Variants in HROB observed in about 807,000 individuals in gnomAD.
HROB encodes the protein homologous recombination factor with OB-fold, also known as homologous recombination OB-fold protein.
A neutral mutation model predicts 61.0 loss-of-function variants in HROB; 44 were observed. The ratio of observed to expected loss-of-function variants is 0.72; its 90% confidence interval spans 0.57 to 0.93. The LOEUF (loss-of-function observed/expected upper bound fraction) is 0.93. Ranked by LOEUF, HROB falls within the 40% of genes least tolerant of loss-of-function variation. HROB has a pLI of 0.00. For missense variants in HROB, 716 were observed against 796.2 expected, an observed-to-expected ratio of 0.90 and a Z score of 1.21; for synonymous variants, 301 against 310.4, an observed-to-expected ratio of 0.97 and a Z score of 0.32.
chr17:44,142,445 C>T (rs1416334433), intron 1 of HROB, among the ~76,000 whole-genome samples: 1 of 151,876 alleles, frequency 6.6e-6, no homozygotes, highest in East Asian at 1.9e-4. Flanking sequence ...TCCCTTTCCC[C>T]TCCCCGCCCC....
chr17:44,143,661 A>T (rs1242902957), intron 1 of HROB, among the ~76,000 whole-genome samples: 1 of 151,770 alleles, frequency 6.6e-6, no homozygotes, highest in Non-Finnish European at 1.5e-5. Context: ...AAAAAAAAAA[A>T]AGAAAATTAG....
At position 44,157,904 on chromosome 17, in the gene HROB, G is replaced by A. The variant is rs1172541562; in HGVS notation, c.1842G>A (p.Glu614=). 1 of 1,613,638 alleles carries A rather than the reference G, an allele frequency of 6.2e-7. No homozygotes were observed. Among genetic ancestry groups the A allele is most frequent in the South Asian group, 1.1e-5 (1 of 90,976 alleles). The change falls in exon 9 of 10, where the codon GAG becomes GAA. Residue 614 remains glutamate, a synonymous_variant. Coordinates refer to ENST00000585683, the MANE Select transcript of HROB (RefSeq NM_001171251.3). ...EEGFRTAQNL[E]AEASPEEELP... is the part of the protein sequence containing the mutation. ...GCTTCAGAACAGCACAGAACCTAGA[G>A]GCAGAGGCGTCCCCTGAGGAAGAAC...
Position 44,142,099 on chromosome 17 carries a change from G to A in HROB, c.-44G>A. 2 of 1,530,964 alleles carry A rather than the reference G, an allele frequency of 1.3e-6. No homozygotes were observed. The highest frequency in any genetic ancestry group is 1.7e-6 in the Non-Finnish European group (2 of 1,144,284). The allele number at this position is 1,530,964 out of a possible 1,614,324, so 94.8% of individuals were successfully genotyped here. ...AGGCCCCGGCGACTCCCCGGACTCG[G>A]GGTGCCGGGCCAACCTCCCCGCCGA... On this transcript the variant is annotated 5_prime_UTR_variant, in exon 1 of 10. Transcript: ENST00000585683.
chr17:44,143,650 A>G (rs78407343), intron 1 of HROB, among the ~76,000 whole-genome samples: 1 of 142,938 alleles, frequency 7.0e-6, no homozygotes, highest in African/African-American at 2.6e-5. Flanking sequence ...TCTCAGGAAG[A>G]AAAAAAAAAA....
intron 2 of HROB, among the ~76,000 whole-genome samples, chr17:44,146,610 T>C (rs1356764612): frequency 1.3e-5 from 2 of 152,188 alleles, no homozygotes; most frequent in East Asian, 3.8e-4. Context: ...GATGATGTCA[T>C]GTCTGAGAGT....
Position 44,142,052 on chromosome 17 carries a change from A to T in HROB, c.-91A>T. ...GAAGCACTGTCCCTCGGAGTCCGAG[A>T]CTTCCACCTGGGTCGTGTCCAAGGC... On this transcript the variant is annotated 5_prime_UTR_variant, in exon 1 of 10. Coordinates refer to ENST00000585683, the MANE Select transcript of HROB (RefSeq NM_001171251.3). 1.3e-6 allele frequency: 2 copies of T among 1,482,816 alleles called. No individual in the cohort carries two copies. The highest frequency in any genetic ancestry group is 1.8e-6 in the Non-Finnish European group (2 of 1,104,588). 91.9% of individuals were successfully genotyped at this position (1,482,816 alleles called of 1,614,324 possible). A position where few individuals can be genotyped will look rare whatever the true frequency, so the allele number is the denominator to read the frequency against.
Position 44,148,820 on chromosome 17 carries a change from C to T in HROB, c.1017C>T (p.Pro339=). ...GCTCTGGATTATTTCCTCGGATACC[C>T]TTACAACCGCAAGCTCCAGTGTCTT... ...RTSSGLFPRI[P]LQPQAPVSSI... The change falls in exon 3 of 10, where the codon CCC becomes CCT. Residue 339 remains proline (P), a synonymous_variant. Coordinates refer to ENST00000585683, the MANE Select transcript of HROB (RefSeq NM_001171251.3). 6.2e-7 allele frequency: 1 copy of T among 1,614,188 alleles called. No homozygotes were observed. Among genetic ancestry groups the T allele is most frequent in the Admixed American group, 1.7e-5 (1 of 60,010 alleles).
chr17:44,151,681 A>C (rs2053809779), intron 4 of HROB, among the ~76,000 whole-genome samples: 2 of 152,172 alleles, frequency 1.3e-5, no homozygotes, highest in Admixed American at 1.3e-4. Context: ...AAAATGGCTA[A>C]GCCACTCTGG....
Position 44,148,249 on chromosome 17 carries a change from G to T in HROB, c.446G>T (p.Gly149Val), listed in dbSNP as rs2053675189. The T allele has an allele frequency of 6.2e-7, 1 of 1,614,176 alleles. No homozygotes were observed. Among genetic ancestry groups the T allele is most frequent in the Non-Finnish European group, 8.5e-7 (1 of 1,180,030 alleles). Residue 149 changes from glycine (G) to valine (V), a missense_variant, in exon 3 of 10, where the codon GGC becomes GTC. Transcript: ENST00000585683. ...GAGAGCCAACAGCAGCAAGTTGGTGGCTTTGAGGGGCCTGAACAAGACGAA... is the reference window on the plus strand; with the variant it reads ...GAGAGCCAACAGCAGCAAGTTGGTGTCTTTGAGGGGCCTGAACAAGACGAA... ...TFESQQQQVG[G>V]FEGPEQDEFD...
chr17:44,157,872 G>A lies in HROB; in HGVS notation c.1810G>A (p.Glu604Lys), dbSNP rs201900381. The A allele has an allele frequency of 4.0e-5, 64 of 1,613,520 alleles. No individual in the cohort carries two copies. The highest frequency in any genetic ancestry group is 1.6e-4 in the Middle Eastern group (1 of 6,080). The change falls in exon 9 of 10, where the codon GAG (glutamate) becomes AAG (lysine). Residue 604 changes from glutamate (E) to lysine (K), a missense_variant. By Grantham distance (56) the Glu-to-Lys change is moderately conservative. Coordinates refer to ENST00000585683, the MANE Select transcript of HROB (RefSeq NM_001171251.3). ...SFQHDVAAKP[E>K]EGFRTAQNLE... ...CCAGCATGATGTGGCTGCAAAGCCCGAGGAAGGCTTCAGAACAGCACAGAA... is the reference window on the plus strand; with the variant it reads ...CCAGCATGATGTGGCTGCAAAGCCCAAGGAAGGCTTCAGAACAGCACAGAA...
chr17:44,143,649 G>GAA (rs74952287), intron 1 of HROB, among the ~76,000 whole-genome samples: 1 of 137,628 alleles, frequency 7.3e-6, no homozygotes. Flanking sequence ...GTCTCAGGAA[G>GAA]AAAAAAAAAA....
chr17:44,150,977 T>C lies in HROB; in HGVS notation c.1241T>C (p.Leu414Pro), dbSNP rs183781278. The change falls in exon 4 of 10, where the codon CTG (leucine) becomes CCG (proline). Residue 414 changes from leucine to proline, a missense_variant. Leu to Pro is a moderately conservative substitution (Grantham distance 98, BLOSUM62 -3). Coordinates refer to ENST00000585683, the MANE Select transcript of HROB (RefSeq NM_001171251.3). ...CCCTCTTAGCAGAGTGGGAGAAGTC[T>C]GGAGGACATCATGGTTTCCGCGCCC... ...ILPHQQSGRS[L>P]EDIMVSAPQT... 1.6e-5 allele frequency: 26 copies of C among 1,612,756 alleles called. No individual in the cohort carries two copies. Among genetic ancestry groups the C allele is most frequent in the South Asian group, 2.2e-5 (2 of 90,960 alleles).
In HROB at chr17:44,141,954, C is replaced by G; in HGVS notation, c.-189C>G. Reference sequence around the variant, plus strand: ...CAGTGGCGGCGTCTTCGAATGCGGCCTAAGGCGCCTGCCGCCAGTCTCCTG... The same window carrying G: ...CAGTGGCGGCGTCTTCGAATGCGGCGTAAGGCGCCTGCCGCCAGTCTCCTG... On this transcript the variant is annotated 5_prime_UTR_variant, in exon 1 of 10. Coordinates refer to ENST00000585683, the MANE Select transcript of HROB (RefSeq NM_001171251.3). The G allele has an allele frequency of 1.3e-6, 1 of 750,658 alleles. No homozygotes were observed. Among genetic ancestry groups the G allele is most frequent in the South Asian group, 2.0e-5 (1 of 51,056 alleles). 46.5% of individuals were successfully genotyped at this position (750,658 alleles called of 1,614,324 possible).
At chr17:44,145,469 C>T (rs756375893) in intron 2 of HROB, among the ~76,000 whole-genome samples, 4 of 152,156 alleles carry the variant, frequency 2.6e-5, no homozygotes, top group Non-Finnish European at 5.9e-5. Context: ...AATTGTCATA[C>T]CTTTAAATTA....
chr17:44,161,097 G>A (rs1015535241), intron 9 of HROB, among the ~76,000 whole-genome samples: 3 of 152,074 alleles, frequency 2.0e-5, no homozygotes, highest in African/African-American at 7.2e-5. Flanking sequence ...CAGCTACTCA[G>A]GAGGCTGAGG....
At chr17:44,154,967 C>G (rs779070142) in intron 7 of HROB, 29 bp downstream of exon 7, 1 of 1,603,164 alleles carries the variant, frequency 6.2e-7, no homozygotes, top group Admixed American at 1.7e-5. Context: ...CACACCACTG[C>G]CCCCCGGATA....
At chr17:44,147,235 C>T (rs970514747) in intron 2 of HROB, among the ~76,000 whole-genome samples, 2 of 151,948 alleles carry the variant, frequency 1.3e-5, no homozygotes, top group Non-Finnish European at 2.9e-5. Flanking sequence ...TTCCCTGGAA[C>T]GTTTGCTTCT....
chr17:44,145,445 G>A (rs1224911045), intron 2 of HROB, among the ~76,000 whole-genome samples, 192 bp downstream of exon 2: 1 of 152,160 alleles, frequency 6.6e-6, no homozygotes, highest in African/African-American at 2.4e-5. Context: ...AAAAACCAGA[G>A]CAATGAATTG....
chr17:44,159,865 G>A (rs2054082078), intron 9 of HROB, among the ~76,000 whole-genome samples: 1 of 152,232 alleles, frequency 6.6e-6, no homozygotes, highest in Non-Finnish European at 1.5e-5. Flanking sequence ...TGGACAAGGA[G>A]CGTGACCACT....
Sources: allele counts gnomAD v4.1 joint callset (sites outside exome capture counted in the v4.1 genomes callset), GRCh38; gene constraint gnomAD v4.1.1; transcripts MANE v1.5; gene names NCBI Gene and HGNC (gene_info 2026-07-23, HGNC 2026-07-21).